The following NBAS variants were observed in gnomAD, a reference collection of about 807,000 sequenced individuals.
The protein encoded by NBAS is NBAS subunit of NRZ tethering complex.
A neutral mutation model predicts 302.5 loss-of-function variants in NBAS; 219 were observed. That is an observed-to-expected ratio of 0.72 (90% CI 0.65 to 0.81). NBAS has a LOEUF of 0.81. Among genes scored for constraint, NBAS ranks in the 30% least tolerant of loss-of-function variants. The pLI is 0.00. For synonymous variants in NBAS, 1,118 were observed against 1,021.6 expected (o/e 1.09, Z -1.80); for missense variants, 2,932 against 2,841.6 (o/e 1.03, Z -0.72).
chr2:15,389,612 G>C (rs973371456), intron 28 of NBAS, among the ~76,000 whole-genome samples: 2 of 152,044 alleles, frequency 1.3e-5, no homozygotes, highest in African/African-American at 4.8e-5. Flanking sequence ...GGATCAAGGG[G>C]GAACTTCCAA....
chr2:15,548,425 T>C lies in NBAS; in HGVS notation c.379+3068A>G, dbSNP rs13416532. Among the ~76,000 whole-genome samples, 1,342 of 152,210 alleles carry C rather than the reference T, an allele frequency of 8.8e-3. 13 individuals are homozygous for C. The highest frequency in any genetic ancestry group is 0.031 in the African/African-American group (1,269 of 41,536). On this transcript the variant is annotated intron_variant, in intron 6 of 51. Transcript: ENST00000281513. ...GGGAGGCTGAGGCAGGTGGATCACC[T>C]GAGGTCAGGAGTTCAAGACCAGCCT...
chr2:15,539,484 A>G, intron 6 of NBAS, 128 bp from the exon 7 acceptor site: 1 of 1,199,330 alleles, frequency 8.3e-7, no homozygotes, highest in Non-Finnish European at 1.2e-6. Flanking sequence ...ATCTCTAATA[A>G]AGCTTCCCTC....
the NBAS span, among the ~76,000 whole-genome samples, chr2:14,966,021 CAAG>C: frequency 1.3e-5 from 2 of 152,074 alleles, no homozygotes; most frequent in Non-Finnish European, 2.9e-5. Context: ...TAAAGAGACA[CAAG>C]AAGGACAGCA....
intron 36 of NBAS, among the ~76,000 whole-genome samples, chr2:15,330,302 T>C (rs141447304): frequency 2.0e-5 from 3 of 152,292 alleles, no homozygotes; most frequent in Admixed American, 1.3e-4. Flanking sequence ...TCTGTAGAAA[T>C]AATAGCAAAA....
At chr2:14,817,003 T>C in the NBAS span, among the ~76,000 whole-genome samples, 6 of 152,226 alleles carry the variant, frequency 3.9e-5, no homozygotes, top group African/African-American at 1.4e-4. Flanking sequence ...AAAGTAGAGG[T>C]GACTCCATAA....
chr2:15,537,140 A>C (rs1454920683), intron 7 of NBAS, among the ~76,000 whole-genome samples: 1 of 152,222 alleles, frequency 6.6e-6, no homozygotes, highest in African/African-American at 2.4e-5. Flanking sequence ...TGCCGACCCA[A>C]AATATGCCAC....
chr2:14,892,089 G>A, the NBAS span, among the ~76,000 whole-genome samples: 15 of 152,062 alleles, frequency 9.9e-5, no homozygotes, highest in African/African-American at 3.4e-4. Flanking sequence ...TAATTCCCTG[G>A]CATGGCACAC....
intron 48 of NBAS, among the ~76,000 whole-genome samples, chr2:15,208,159 T>G (rs914162133): frequency 1.3e-5 from 2 of 152,162 alleles, no homozygotes; most frequent in Non-Finnish European, 2.9e-5. Context: ...ATGGACTCAG[T>G]TCCATGTGGC....
chr2:15,317,963 G>A (rs1270499454), intron 38 of NBAS, among the ~76,000 whole-genome samples: 2 of 152,306 alleles, frequency 1.3e-5, no homozygotes, highest in East Asian at 3.9e-4. Flanking sequence ...CACCAAGGTT[G>A]AAATAAAGGA....
chr2:14,781,989 C>T, the NBAS span, among the ~76,000 whole-genome samples: 2 of 152,110 alleles, frequency 1.3e-5, no homozygotes, highest in South Asian at 2.1e-4. Context: ...CCTCCTCCCC[C>T]GCCACAAGTT....
At chr2:15,213,764 G>A (rs758608799) in intron 48 of NBAS, among the ~76,000 whole-genome samples, 3 of 152,148 alleles carry the variant, frequency 2.0e-5, no homozygotes, top group Non-Finnish European at 4.4e-5. Flanking sequence ...TGCCAACAGC[G>A]AGAGGGCAAA....
At chr2:15,076,018 T>A in the NBAS span, among the ~76,000 whole-genome samples, 1 of 152,176 alleles carries the variant, frequency 6.6e-6, no homozygotes, top group Non-Finnish European at 1.5e-5. Context: ...CCACCTTTAG[T>A]CTCCAAACAA....
chr2:15,561,269 T>C lies in NBAS; in HGVS notation c.36A>G (p.Pro12=). Residue 12 remains proline, a synonymous_variant, in exon 1 of 52, where the codon CCA becomes CCG. Transcript: ENST00000281513. ...TCTCCTCCTCACCCTCTGCAGTGCC[T>C]GGACTCAAAGCCGGCCCTGACTCGG... ...AAPESGPALS[P]GTAEGEEETI... is the part of the protein sequence containing the mutation. The C allele has an allele frequency of 1.2e-6, 2 of 1,613,890 alleles. No individual in the cohort carries two copies. Among genetic ancestry groups the C allele is most frequent in the Non-Finnish European group, 1.7e-6 (2 of 1,180,034 alleles).
chr2:15,317,991 C>G (rs1411236995), intron 38 of NBAS, among the ~76,000 whole-genome samples: 4 of 152,162 alleles, frequency 2.6e-5, no homozygotes, highest in Non-Finnish European at 5.9e-5. Flanking sequence ...TTAAGGGCAG[C>G]CAGCACAAAA....
At position 15,439,296 on chromosome 2, in the gene NBAS, G is replaced by A. The variant is rs139684426; in HGVS notation, c.2340-11502C>T. On this transcript the variant is annotated intron_variant, in intron 21 of 51. Transcript: ENST00000281513. ...CGACCTGGGCCAAAGAGCAAGACTC[G>A]GTCTCAAATAAAAAAAAAAAAAAAA... 1.0e-4 allele frequency among the ~76,000 whole-genome samples: 15 copies of A among 145,446 alleles called. No individual in the cohort carries two copies. The East Asian group carries it at 1.8e-3, about 18-fold the overall frequency.
At chr2:14,996,459 C>T in the NBAS span, among the ~76,000 whole-genome samples, 2 of 152,178 alleles carry the variant, frequency 1.3e-5, no homozygotes, top group East Asian at 1.9e-4. Context: ...GCGTACAGCA[C>T]CAAGCTGTCC....
the NBAS span, among the ~76,000 whole-genome samples, chr2:14,937,581 A>G: frequency 6.6e-6 from 1 of 152,134 alleles, no homozygotes; most frequent in African/African-American, 2.4e-5. Flanking sequence ...GGGCTAAAGC[A>G]TTGGGAAACA....
In NBAS at chr2:15,186,729, A is replaced by C. The variant is rs1347466718; in HGVS notation, c.6711+13T>G. ...GGCCACTCCTTAGGAAAGCACTCAA[A>C]ATATCCACTCACCTCTGCAGGCAGC... On this transcript the variant is annotated intron_variant, in intron 50 of 51. Coordinates refer to ENST00000281513, the MANE Select transcript of NBAS (RefSeq NM_015909.4). The C allele has an allele frequency of 2.5e-6, 4 of 1,613,748 alleles. No homozygotes were observed. Among genetic ancestry groups the C allele is most frequent in the Admixed American group, 1.7e-5 (1 of 60,004 alleles).
At chr2:15,508,728 G>C (rs1391752735) in intron 10 of NBAS, among the ~76,000 whole-genome samples, 1 of 152,130 alleles carries the variant, frequency 6.6e-6, no homozygotes, top group Non-Finnish European at 1.5e-5. Context: ...ACTTGGCCGG[G>C]CATGGTGGCT....
Sources: gnomAD v4.1 joint callset for allele counts (sites outside exome capture counted in the v4.1 genomes callset) on GRCh38, gnomAD v4.1.1 for gene constraint, MANE v1.5 for transcripts, NCBI Gene and HGNC (gene_info 2026-07-23, HGNC 2026-07-21) for gene names.